Variants in MAP7 observed in about 807,000 individuals in gnomAD.
MAP7 encodes the protein microtubule associated protein 7.
A neutral mutation model predicts 94.8 loss-of-function variants in MAP7; 52 were observed. That is an observed-to-expected ratio of 0.55 (90% CI 0.44 to 0.69). MAP7 has a LOEUF of 0.69. Ranked by LOEUF, MAP7 falls within the 30% of genes least tolerant of loss-of-function variation. MAP7 has a pLI of 0.00. For synonymous variants in MAP7, 350 were observed against 357.0 expected (o/e 0.98, Z 0.22); for missense variants, 940 against 964.6 (o/e 0.97, Z 0.34).
chr6:136,403,357 C>T (rs1032308491), intron 3 of MAP7, among the ~76,000 whole-genome samples: 2 of 152,220 alleles, frequency 1.3e-5, no homozygotes, highest in African/African-American at 4.8e-5. Flanking sequence ...CTCTATGAGG[C>T]AGACACTGCC....
At chr6:136,413,591 A>C (rs1335970472) in intron 2 of MAP7, among the ~76,000 whole-genome samples, 2 of 152,052 alleles carry the variant, frequency 1.3e-5, no homozygotes, top group Non-Finnish European at 2.9e-5. Context: ...AACAAATGTA[A>C]AGGCCTGCAT....
At chr6:136,389,326 C>T in intron 4 of MAP7, 28 bp downstream of exon 4, 1 of 1,518,704 alleles carries the variant, frequency 6.6e-7, no homozygotes, top group Non-Finnish European at 8.8e-7. Context: ...AGAGGAGCCA[C>T]TCATATTCTT....
At chr6:136,518,151 A>T (rs1309148804) in intron 1 of MAP7, among the ~76,000 whole-genome samples, 6 of 152,090 alleles carry the variant, frequency 3.9e-5, no homozygotes, top group African/African-American at 1.4e-4. Context: ...GAATCTTCGT[A>T]TTTTAATATC....
chr6:136,391,271 A>C (rs893049714), intron 3 of MAP7, among the ~76,000 whole-genome samples: 4 of 150,160 alleles, frequency 2.7e-5, no homozygotes, highest in African/African-American at 9.8e-5. Flanking sequence ...TGAAACTGGA[A>C]ACCATCATTC....
intron 1 of MAP7, among the ~76,000 whole-genome samples, chr6:136,464,040 T>C (rs944203756): frequency 2.6e-5 from 4 of 152,208 alleles, no homozygotes; most frequent in Admixed American, 6.5e-5. Context: ...GAGCAGAACG[T>C]TGGCCTCACC....
intron 5 of MAP7, among the ~76,000 whole-genome samples, chr6:136,388,036 C>T (rs896616287): frequency 3.9e-5 from 6 of 152,076 alleles, no homozygotes; most frequent in Non-Finnish European, 8.8e-5. Context: ...AACTATAATC[C>T]TTCCAGAGAA....
chr6:136,458,426 T>A (rs1335293190), intron 1 of MAP7, among the ~76,000 whole-genome samples: 1 of 152,096 alleles, frequency 6.6e-6, no homozygotes, highest in Non-Finnish European at 1.5e-5. Flanking sequence ...GGAAAAACAG[T>A]CCTATAATTC....
intron 8 of MAP7, among the ~76,000 whole-genome samples, chr6:136,369,122 G>A (rs1294427761): frequency 6.6e-6 from 1 of 152,180 alleles, no homozygotes; most frequent in African/African-American, 2.4e-5. Flanking sequence ...CCATATAACT[G>A]GAAATGTGAA....
intron 1 of MAP7, among the ~76,000 whole-genome samples, chr6:136,478,315 G>T (rs1263813779): frequency 6.6e-6 from 1 of 152,112 alleles, no homozygotes; most frequent in Admixed American, 6.6e-5. Context: ...AGGTGTGGTG[G>T]CTCAGGCCTG....
At chr6:136,445,426 A>T (rs1252770872) in intron 1 of MAP7, among the ~76,000 whole-genome samples, 1 of 152,120 alleles carries the variant, frequency 6.6e-6, no homozygotes, top group Non-Finnish European at 1.5e-5. Context: ...TTTCTTCACA[A>T]ATTTATTATT....
chr6:136,490,865 C>T (rs566016358), intron 1 of MAP7, among the ~76,000 whole-genome samples: 100 of 152,296 alleles, frequency 6.6e-4, no homozygotes, highest in African/African-American at 2.3e-3. Context: ...GTCTGACAGG[C>T]CCTTGCCTGT....
intron 1 of MAP7, among the ~76,000 whole-genome samples, chr6:136,496,414 A>C (rs1373070186): frequency 6.6e-6 from 1 of 151,138 alleles, no homozygotes; most frequent in Non-Finnish European, 1.5e-5. Context: ...CTCAACAAAC[A>C]ATGGGGAAAA....
At chr6:136,428,900 G>A (rs1794073017) in intron 1 of MAP7, among the ~76,000 whole-genome samples, 1 of 152,196 alleles carries the variant, frequency 6.6e-6, no homozygotes, top group Non-Finnish European at 1.5e-5. Flanking sequence ...CTGATGTGAA[G>A]TAGACGTGAC....
chr6:136,351,486 G>A (rs907311285), intron 16 of MAP7, among the ~76,000 whole-genome samples: 10 of 152,100 alleles, frequency 6.6e-5, no homozygotes, highest in African/African-American at 2.4e-4. Flanking sequence ...CCAATACTTT[G>A]TGTGGAAAGT....
At chr6:136,486,705 G>C (rs1202541813) in intron 1 of MAP7, among the ~76,000 whole-genome samples, 1 of 152,150 alleles carries the variant, frequency 6.6e-6, no homozygotes, top group Non-Finnish European at 1.5e-5. Context: ...TGGGTCTTGT[G>C]AATTTACAGT....
intron 2 of MAP7, among the ~76,000 whole-genome samples, chr6:136,412,872 G>A (rs188734066): frequency 1.1e-4 from 17 of 152,188 alleles, no homozygotes; most frequent in Admixed American, 8.5e-4. Context: ...TAGAATTGAC[G>A]TTGACAGGCC....
chr6:136,366,070 T>G, intron 9 of MAP7, 52 bp from the exon 10 acceptor site: 1 of 1,554,320 alleles, frequency 6.4e-7, no homozygotes, highest in Non-Finnish European at 8.7e-7. Flanking sequence ...AGAACAGGCT[T>G]GCCAGAACCT....
chr6:136,528,469 A>G (rs1010434081), intron 1 of MAP7, among the ~76,000 whole-genome samples: 3 of 152,264 alleles, frequency 2.0e-5, no homozygotes, highest in Admixed American at 2.0e-4. Flanking sequence ...TTTCAAATCC[A>G]CATTAGCTTC....
At chr6:136,406,329 T>G (rs1014834193) in intron 3 of MAP7, among the ~76,000 whole-genome samples, 1 of 152,196 alleles carries the variant, frequency 6.6e-6, no homozygotes, top group East Asian at 1.9e-4. Context: ...CCTATGCATC[T>G]TATGAATACA....
Sources: gnomAD v4.1 joint callset for allele counts (sites outside exome capture counted in the v4.1 genomes callset) on GRCh38, gnomAD v4.1.1 for gene constraint, MANE v1.5 for transcripts, NCBI Gene and HGNC (gene_info 2026-07-23, HGNC 2026-07-21) for gene names.